FAM184B: variants seen among roughly 807,000 people sequenced by gnomAD.
The protein encoded by FAM184B is protein FAM184B.
FAM184B carries 111 observed loss-of-function variants against 135.9 expected under a neutral mutation model. That is an observed-to-expected ratio of 0.82 (90% CI 0.70 to 0.96). The LOEUF (loss-of-function observed/expected upper bound fraction) is 0.96. FAM184B is among the 40% of genes least tolerant of loss of function. The pLI is 0.00. For synonymous variants in FAM184B, 552 were observed against 524.8 expected, an observed-to-expected ratio of 1.05 and a Z score of -0.71; for missense variants, 1,375 against 1,323.9, an observed-to-expected ratio of 1.04 and a Z score of -0.60.
In FAM184B at chr4:17,781,202, TG is replaced by T; in HGVS notation, c.97del (p.Gln33ArgfsTer4). The T allele has an allele frequency of 6.4e-7, 1 of 1,550,518 alleles. No homozygotes were observed. Among genetic ancestry groups the T allele is most frequent in the Non-Finnish European group, 8.7e-7 (1 of 1,146,468 alleles). The stretch of plus-strand genomic sequence containing the variant: ...CTTCTTGCACATTTTCACGTGCATC[TG>T]GGGATCACAGTCCATTCTCCAGCCG... Reference protein sequence around the residue: ...GAGWRMDCDPQMHVKMCKKIA... With the variant: ...GAGWRMDCDPXMHVKMCKKIA... On this transcript the variant is annotated frameshift_variant, in exon 1 of 18. Transcript: ENST00000265018. LOFTEE classifies it high-confidence loss of function. This position sits in a 1 kb window ranked among gnomAD's most constrained non-coding sequence, Gnocchi z 6.5.
chr4:17,709,362 C>T lies in FAM184B; in HGVS notation c.424G>A (p.Glu142Lys), dbSNP rs750960495. The change falls in exon 2 of 18, where the codon GAG (glutamate) becomes AAG (lysine). Residue 142 changes from glutamate (E) to lysine (K), a missense_variant. Physicochemically the swap from Glu to Lys is moderately conservative, Grantham distance 56. Transcript: ENST00000265018. ...TCCCTGGAGAGCGTGAGGACTCGCT[C>T]GGCGTGCTCTGCCTCCACCCTCAGC... is the stretch of plus-strand genomic sequence containing the variant. ...RELRVEAEHA[E>K]RVLTLSREML... The T allele has an allele frequency of 6.9e-5, 106 of 1,545,498 alleles. No homozygotes were observed. The highest frequency in any genetic ancestry group is 2.9e-4 in the African/African-American group (21 of 72,944).
At chr4:17,688,580 C>T in intron 6 of FAM184B, 49 bp from the exon 7 acceptor site, 1 of 1,365,054 alleles carries the variant, frequency 7.3e-7, no homozygotes, top group African/African-American at 1.5e-5. Context: ...GGTTCTACCT[C>T]CTCGATACAG....
chr4:17,696,781 C>A (rs1716874144), intron 5 of FAM184B, among the ~76,000 whole-genome samples: 1 of 151,640 alleles, frequency 6.6e-6, no homozygotes, highest in Non-Finnish European at 1.5e-5. Flanking sequence ...TCACTGTATT[C>A]CAGCCTGCAT....
At chr4:17,774,633 A>C (rs536455625) in intron 1 of FAM184B, among the ~76,000 whole-genome samples, 1 of 152,346 alleles carries the variant, frequency 6.6e-6, no homozygotes, top group African/African-American at 2.4e-5. Context: ...CCCTGTCAGC[A>C]CATTGGATGC....
chr4:17,634,873 T>A, intron 16 of FAM184B, 136 bp downstream of exon 16: 2 of 572,218 alleles, frequency 3.5e-6, no homozygotes, highest in Admixed American at 7.9e-5. Flanking sequence ...GCCATAGATA[T>A]AAACAAGTGG....
intron 5 of FAM184B, among the ~76,000 whole-genome samples, chr4:17,696,630 A>G (rs1716865177): frequency 6.6e-6 from 1 of 152,138 alleles, no homozygotes; most frequent in Admixed American, 6.5e-5. Context: ...TTGGCAACAC[A>G]GCGAGACGCT....
chr4:17,751,044 A>C (rs1308540602), intron 1 of FAM184B, among the ~76,000 whole-genome samples: 1 of 151,864 alleles, frequency 6.6e-6, no homozygotes, highest in Non-Finnish European at 1.5e-5. Flanking sequence ...GCGGTGGTTC[A>C]CACCTGTAAT....
Position 17,642,171 on chromosome 4 carries a change from C to G in FAM184B, c.2404G>C (p.Gly802Arg), listed in dbSNP as rs1313076621. Reference sequence around the variant, plus strand: ...TCCTCCCAGAGCCCGCATCCCTCGCCGGAACCCTGCCCAGCAGCGCCCGGT... The same window carrying G: ...TCCTCCCAGAGCCCGCATCCCTCGCGGGAACCCTGCCCAGCAGCGCCCGGT... ...SPPGAAGQGS[G>R]EGCGLWEENA... The change falls in exon 13 of 18, where the codon GGC becomes CGC. Residue 802 changes from glycine to arginine, a missense_variant. Physicochemically the swap from Gly to Arg is moderately radical, Grantham distance 125. Transcript: ENST00000265018. The G allele has an allele frequency of 2.0e-6, 3 of 1,532,470 alleles. No individual in the cohort carries two copies. The highest frequency in any genetic ancestry group is 3.8e-4 in the Middle Eastern group (2 of 5,304). 94.9% of individuals were successfully genotyped at this position (1,532,470 alleles called of 1,614,324 possible).
chr4:17,637,608 C>T (rs549086266), intron 14 of FAM184B, among the ~76,000 whole-genome samples: 19 of 152,268 alleles, frequency 1.2e-4, no homozygotes, highest in Admixed American at 2.6e-4. Context: ...AGTAAGTGCC[C>T]GTTAGACTGT....
rs969930086 is a variant in FAM184B at position 17,709,358 on chromosome 4, C to T, written c.428G>A (p.Arg143Gln). 3 of 1,547,060 alleles carry T rather than the reference C, an allele frequency of 1.9e-6. No individual in the cohort carries two copies. The highest frequency in any genetic ancestry group is 2.5e-5 in the East Asian group (1 of 40,798). Residue 143 changes from arginine (R) to glutamine (Q), a missense_variant, in exon 2 of 18, where the codon CGA becomes CAA. Arg to Gln is a conservative substitution (Grantham distance 43). Coordinates refer to ENST00000265018, the MANE Select transcript of FAM184B (RefSeq NM_015688.2). ...ELRVEAEHAE[R>Q]VLTLSREMLE... Reference sequence around the variant, plus strand: ...CATTTCCCTGGAGAGCGTGAGGACTCGCTCGGCGTGCTCTGCCTCCACCCT... The same window carrying T: ...CATTTCCCTGGAGAGCGTGAGGACTTGCTCGGCGTGCTCTGCCTCCACCCT...
At chr4:17,722,871 T>C (rs924248520) in intron 1 of FAM184B, among the ~76,000 whole-genome samples, 6 of 152,138 alleles carry the variant, frequency 3.9e-5, no homozygotes, top group Non-Finnish European at 7.4e-5. Flanking sequence ...ATAAAAACAA[T>C]ACAAAGAAAT....
At chr4:17,722,996 C>T (rs577911215) in intron 1 of FAM184B, among the ~76,000 whole-genome samples, 44 of 152,302 alleles carry the variant, frequency 2.9e-4, no homozygotes, top group African/African-American at 1.0e-3. Flanking sequence ...GACAGAGCAG[C>T]TCTTCCAGTT....
intron 7 of FAM184B, among the ~76,000 whole-genome samples, chr4:17,679,594 AT>A (rs1185795867): frequency 6.6e-6 from 1 of 152,218 alleles, no homozygotes; most frequent in African/African-American, 2.4e-5. Flanking sequence ...TATAACCACT[AT>A]GAAAAACAGT....
At chr4:17,763,360 TA>T (rs1450135196) in intron 1 of FAM184B, among the ~76,000 whole-genome samples, 4 of 152,126 alleles carry the variant, frequency 2.6e-5, no homozygotes, top group African/African-American at 9.6e-5. Context: ...AGCTACTGAT[TA>T]GGTCTGCTTT....
intron 6 of FAM184B, among the ~76,000 whole-genome samples, chr4:17,690,950 T>G (rs1322247821): frequency 6.6e-6 from 1 of 152,090 alleles, no homozygotes; most frequent in Non-Finnish European, 1.5e-5. Flanking sequence ...TTTCTAGCTT[T>G]GGTAAGGTGG....
In FAM184B at chr4:17,708,941, T is replaced by G. The variant is rs1717182661; in HGVS notation, c.845A>C (p.Lys282Thr). The G allele has an allele frequency of 6.5e-7, 1 of 1,546,596 alleles. No individual in the cohort carries two copies. Among genetic ancestry groups the G allele is most frequent in the Non-Finnish European group, 8.7e-7 (1 of 1,144,690 alleles). The change falls in exon 2 of 18, where the codon AAG (lysine) becomes ACG (threonine). Residue 282 changes from lysine to threonine, a missense_variant. Coordinates refer to ENST00000265018, the MANE Select transcript of FAM184B (RefSeq NM_015688.2). ...LEGDLEHRGR[K>T]ISDLKKYAQK... ...GGCGTACTTCTTCAGGTCACTTATC[T>G]TGCGGCCTCTGTGCTCCAGGTCTCC...
intron 7 of FAM184B, among the ~76,000 whole-genome samples, chr4:17,683,999 C>T (rs1210428220): frequency 6.6e-6 from 1 of 151,404 alleles, no homozygotes; most frequent in Non-Finnish European, 1.5e-5. Context: ...TGCTTGAGCC[C>T]AGGAAATCGA....
chr4:17,660,610 G>A (rs1715894932), intron 8 of FAM184B, among the ~76,000 whole-genome samples: 1 of 151,950 alleles, frequency 6.6e-6, no homozygotes. Context: ...TATGCAACAT[G>A]AACAAGGAAA....
intron 1 of FAM184B, among the ~76,000 whole-genome samples, chr4:17,776,863 C>T (rs1030834902): frequency 6.6e-6 from 1 of 152,154 alleles, no homozygotes; most frequent in African/African-American, 2.4e-5. Context: ...AAGAATCGTA[C>T]TTCCCTGTGA....
Sources: allele counts gnomAD v4.1 joint callset (sites outside exome capture counted in the v4.1 genomes callset), GRCh38; gene constraint gnomAD v4.1.1; non-coding constraint Gnocchi (gnomAD v3.1); transcripts MANE v1.5; gene names NCBI Gene and HGNC (gene_info 2026-07-23, HGNC 2026-07-21).